Variants in UNC5B observed in about 807,000 individuals in gnomAD.
UNC5B encodes the protein netrin receptor UNC5B.
A neutral mutation model predicts 103.7 loss-of-function variants in UNC5B; 56 were observed. That is an observed-to-expected ratio of 0.54 (90% confidence interval 0.44 to 0.67). The LOEUF (loss-of-function observed/expected upper bound fraction) is 0.67, where lower values mean the gene tolerates loss of function less well. Among genes scored for constraint, UNC5B ranks in the 30% least tolerant of loss-of-function variants. The pLI is 0.00. For missense variants in UNC5B, 1,194 were observed against 1,284.5 expected (o/e 0.93, Z 1.08); for synonymous variants, 577 against 542.0 (o/e 1.06, Z -0.90).
At chr10:71,255,040 C>T (rs770979018) in intron 1 of UNC5B, among the ~76,000 whole-genome samples, 1 of 152,198 alleles carries the variant, frequency 6.6e-6, no homozygotes, top group African/African-American at 2.4e-5. Context: ...TCATCACATA[C>T]TTACAGGTTT....
At chr10:71,254,827 C>A in intron 1 of UNC5B, among the ~76,000 whole-genome samples, 1 of 152,348 alleles carries the variant, frequency 6.6e-6, no homozygotes, top group Middle Eastern at 3.4e-3. Flanking sequence ...CAACACCAGG[C>A]ACTGACCCTT....
At chr10:71,214,914 G>T (rs16928524) in intron 1 of UNC5B, among the ~76,000 whole-genome samples, 19,250 of 152,192 alleles carry the variant, frequency 0.13, 1,284 homozygotes, top group Middle Eastern at 0.16. Context: ...ACCCGGCTTT[G>T]ATTTCTCACC....
chr10:71,296,212 T>C (rs1845407854), intron 14 of UNC5B, among the ~76,000 whole-genome samples: 1 of 152,222 alleles, frequency 6.6e-6, no homozygotes, highest in African/African-American at 2.4e-5. Flanking sequence ...CAGACGACTA[T>C]GCCCTTCATC....
Position 71,280,038 on chromosome 10 carries a change from G to A in UNC5B, c.297G>A (p.Glu99=). The A allele has an allele frequency of 6.2e-7, 1 of 1,613,704 alleles. No individual in the cohort carries two copies. The highest frequency in any genetic ancestry group is 1.7e-4 in the Middle Eastern group (1 of 6,046). ...NDHVTQEGLD[E]ATGLRVREVQ... Reference sequence around the variant, plus strand: ...ACGTCACACAGGAAGGCCTGGATGAGGCCACCGGTGAGCCCGCCCCACTTG... The same window carrying A: ...ACGTCACACAGGAAGGCCTGGATGAAGCCACCGGTGAGCCCGCCCCACTTG... The change falls in exon 2 of 17, where the codon GAG becomes GAA. Residue 99 remains glutamate, a synonymous_variant. Coordinates refer to ENST00000335350, the MANE Select transcript of UNC5B (RefSeq NM_170744.5).
rs751087390 is a variant in UNC5B at position 71,284,911 on chromosome 10, C to A, written c.448+48C>A. The A allele has an allele frequency of 3.2e-6, 5 of 1,541,716 alleles. No individual in the cohort carries two copies. The Admixed American group carries it at 5.6e-5, about 17-fold the overall frequency. On this transcript the variant is annotated intron_variant, in intron 3 of 16. Transcript: ENST00000335350. ...CTGTCCCTGCAGGAACCTTCCCCAT[C>A]CCTGAGGATGCTGGAGAGGGAACTT...
At chr10:71,298,855 T>C (rs1845514147) in intron 16 of UNC5B, among the ~76,000 whole-genome samples, 1 of 152,210 alleles carries the variant, frequency 6.6e-6, no homozygotes, top group South Asian at 2.1e-4. Context: ...AGACCCTTAC[T>C]TTATATGATC....
At chr10:71,287,568 G>C in intron 5 of UNC5B, 30 bp from the exon 6 acceptor site, 1 of 1,567,752 alleles carries the variant, frequency 6.4e-7, no homozygotes, top group Non-Finnish European at 8.6e-7. Flanking sequence ...CCAGAGCCAA[G>C]CCATCCAGTT....
chr10:71,249,923 T>C (rs1844135458), intron 1 of UNC5B, among the ~76,000 whole-genome samples: 1 of 152,186 alleles, frequency 6.6e-6, no homozygotes, highest in Non-Finnish European at 1.5e-5. Context: ...GCTGTGGTTC[T>C]GGTTGGGATG....
At chr10:71,256,987 G>A (rs901851298) in intron 1 of UNC5B, among the ~76,000 whole-genome samples, 11 of 152,212 alleles carry the variant, frequency 7.2e-5, no homozygotes, top group Non-Finnish European at 1.6e-4. Context: ...GAAGACGACA[G>A]TCATGGTCAG....
chr10:71,217,646 C>A (rs1389746577), intron 1 of UNC5B: 1 of 152,378 alleles, frequency 6.6e-6, no homozygotes, highest in Non-Finnish European at 1.5e-5. Flanking sequence ...CTAATGGCAG[C>A]GAAAATATTT....
At chr10:71,227,636 A>C (rs976249848) in intron 1 of UNC5B, among the ~76,000 whole-genome samples, 3 of 142,688 alleles carry the variant, frequency 2.1e-5, no homozygotes, top group African/African-American at 8.0e-5. Context: ...ATACATATAT[A>C]TACACATATA....
At chr10:71,227,757 A>G (rs1381278568) in intron 1 of UNC5B, among the ~76,000 whole-genome samples, 1 of 148,902 alleles carries the variant, frequency 6.7e-6, no homozygotes, top group Non-Finnish European at 1.5e-5. Context: ...TACATACCCT[A>G]GTCCTAAAGC....
chr10:71,247,031 G>A (rs1844054200), intron 1 of UNC5B, among the ~76,000 whole-genome samples: 1 of 152,184 alleles, frequency 6.6e-6, no homozygotes, highest in East Asian at 1.9e-4. Flanking sequence ...TCAGCGCCAG[G>A]AGCTTTCAGC....
Position 71,295,968 on chromosome 10 carries a change from C to T in UNC5B, c.2325+8C>T, listed in dbSNP as rs1438085281. On this transcript the variant is annotated splice_region_variant and intron_variant, in intron 14 of 16. Coordinates refer to ENST00000335350, the MANE Select transcript of UNC5B (RefSeq NM_170744.5). The stretch of plus-strand genomic sequence containing the variant: ...CTGCTGGCCAAATACCAGGTGAGGG[C>T]TGGGCTGATGGATGGGGAGGGGCAC... 1.2e-6 allele frequency: 2 copies of T among 1,612,588 alleles called. No homozygotes were observed. Among genetic ancestry groups the T allele is most frequent in the Non-Finnish European group, 1.7e-6 (2 of 1,179,996 alleles).
At chr10:71,264,087 T>C (rs1178433975) in intron 1 of UNC5B, among the ~76,000 whole-genome samples, 1 of 152,210 alleles carries the variant, frequency 6.6e-6, no homozygotes, top group Non-Finnish European at 1.5e-5. Context: ...GCATCCCTAT[T>C]TGCTAATGGT....
At chr10:71,223,961 G>A (rs971301092) in intron 1 of UNC5B, among the ~76,000 whole-genome samples, 1 of 152,122 alleles carries the variant, frequency 6.6e-6, no homozygotes, top group Admixed American at 6.5e-5. Context: ...CTGGCCATGG[G>A]GTCTGGCTGA....
chr10:71,213,053 T>C lies in UNC5B; in HGVS notation c.68T>C (p.Leu23Pro), dbSNP rs924871489. ...CTGCTGCTCTGCTGGGACCCGAGGC[T>C]GAGCCAAGCAGGTAGGAAGCGATCG... The part of the protein sequence containing the change: ...LALLLCWDPR[L>P]SQAGTDSGSE... The change falls in exon 1 of 17, where the codon CTG (leucine) becomes CCG (proline). Residue 23 changes from leucine to proline, a missense_variant. By Grantham distance (98) the Leu-to-Pro change is moderately conservative (BLOSUM62 -3). Coordinates refer to ENST00000335350, the MANE Select transcript of UNC5B (RefSeq NM_170744.5). The surrounding 1 kb of genome is among the most constrained non-coding windows in gnomAD (Gnocchi z 4.1). 6.4e-6 allele frequency: 9 copies of C among 1,401,726 alleles called. No homozygotes were observed. The highest frequency in any genetic ancestry group is 2.8e-5 in the East Asian group (1 of 35,850). 86.8% of individuals were successfully genotyped at this position (1,401,726 alleles called of 1,614,324 possible).
At position 71,291,833 on chromosome 10, in the gene UNC5B, C is replaced by T. The variant is rs139468963; in HGVS notation, c.1684+12C>T. The T allele has an allele frequency of 4.0e-3, 6,359 of 1,578,700 alleles. 16 individuals are homozygous for T. The highest frequency in any genetic ancestry group is 4.9e-3 in the Non-Finnish European group (5,743 of 1,168,426). On this transcript the variant is annotated intron_variant, in intron 10 of 16. Coordinates refer to ENST00000335350, the MANE Select transcript of UNC5B (RefSeq NM_170744.5). The stretch of plus-strand genomic sequence containing the variant: ...CATCCCCGGCACAGGTGAGCCCCTG[C>T]CCTGCTTGTGCGTCAGCCTGGCCTT...
At chr10:71,228,148 T>A (rs1481691226) in intron 1 of UNC5B, among the ~76,000 whole-genome samples, 1 of 152,172 alleles carries the variant, frequency 6.6e-6, no homozygotes, top group Non-Finnish European at 1.5e-5. Flanking sequence ...GACTACTGGG[T>A]AGCTATGTGG....
Sources: allele counts gnomAD v4.1 joint callset (sites outside exome capture counted in the v4.1 genomes callset), GRCh38; gene constraint gnomAD v4.1.1; non-coding constraint Gnocchi (gnomAD v3.1); transcripts MANE v1.5; gene names NCBI Gene and HGNC (gene_info 2026-07-23, HGNC 2026-07-21).